The following SOS2 variants were observed in gnomAD, a reference collection of about 807,000 sequenced individuals.
SOS2 encodes son of sevenless homolog 2.
In SOS2, 65 loss-of-function variants were observed where a neutral mutation model predicts 148.2. That is an observed-to-expected ratio of 0.44 (90% CI 0.36 to 0.54). The LOEUF (loss-of-function observed/expected upper bound fraction) is 0.54, where lower values mean the gene tolerates loss of function less well. SOS2 is among the 20% of genes least tolerant of loss of function. SOS2 has a pLI of 0.00. For missense variants in SOS2, 1,341 were observed against 1,590.2 expected (o/e 0.84, Z 2.67); for synonymous variants, 539 against 537.1 (o/e 1.00, Z -0.05).
At position 50,174,348 on chromosome 14, in the gene SOS2, A is replaced by G. The variant is rs536957409; in HGVS notation, c.1068+106T>C. On this transcript the variant is annotated intron_variant, in intron 8 of 22. Coordinates refer to ENST00000216373, the MANE Select transcript of SOS2 (RefSeq NM_006939.4). Reference sequence around the variant, plus strand: ...CATATAAAAATTATTAAATACTTACATAAAATAAGAATTAAAAGACTGGTA... The same window carrying G: ...CATATAAAAATTATTAAATACTTACGTAAAATAAGAATTAAAAGACTGGTA... 10,821 of 457,420 alleles carry G rather than the reference A, an allele frequency of 0.024. 255 individuals are homozygous for G. Among genetic ancestry groups the G allele is most frequent in the Non-Finnish European group, 0.024 (6,247 of 258,958 alleles). The allele number at this position is 457,420 out of a possible 1,614,324, so 28.3% of individuals were successfully genotyped here. A position where few individuals can be genotyped will look rare whatever the true frequency, so the allele number is the denominator to read the frequency against.
chr14:50,205,477 T>C (rs1305841767), intron 1 of SOS2, among the ~76,000 whole-genome samples: 1 of 152,154 alleles, frequency 6.6e-6, no homozygotes, highest in Non-Finnish European at 1.5e-5. Flanking sequence ...AACACAGCAT[T>C]GAAGTTAACC....
rs186688422 is a variant in SOS2 at position 50,175,920 on chromosome 14, A to T, written c.970-1368T>A. Among the ~76,000 whole-genome samples the T allele has an allele frequency of 4.9e-4, 74 of 152,350 alleles. 1 individual carries two copies. Among genetic ancestry groups the T allele is most frequent in the Non-Finnish European group, 8.4e-4 (57 of 68,042 alleles). On this transcript the variant is annotated intron_variant, in intron 7 of 22. Transcript: ENST00000216373. ...TTATTATCCAGTAACCAAACTTCTTACTAGGATACACAAAAAGTGCCACCA... is the reference window on the plus strand; with the variant it reads ...TTATTATCCAGTAACCAAACTTCTTTCTAGGATACACAAAAAGTGCCACCA...
intron 4 of SOS2, among the ~76,000 whole-genome samples, chr14:50,198,296 G>A (rs1361315942): frequency 2.0e-5 from 3 of 151,114 alleles, no homozygotes; most frequent in African/African-American, 2.4e-5. Context: ...CAAGTGGCAA[G>A]GGCTTACTTT....
intron 8 of SOS2, among the ~76,000 whole-genome samples, chr14:50,173,037 T>C (rs1439472059): frequency 6.6e-6 from 1 of 152,194 alleles, no homozygotes; most frequent in Non-Finnish European, 1.5e-5. Context: ...GGTCTTGCTA[T>C]GTTGCTCAGG....
At position 50,216,114 on chromosome 14, in the gene SOS2, G is replaced by C. The variant is rs200387585; in HGVS notation, c.88-11705C>G. 7.6e-5 allele frequency among the ~76,000 whole-genome samples: 9 copies of C among 118,682 alleles called. No individual in the cohort carries two copies. In the East Asian group the frequency reaches 1.7e-3, roughly 22 times the overall value. 77.9% of individuals were successfully genotyped at this position (118,682 alleles called of 152,430 possible). On this transcript the variant is annotated intron_variant, in intron 1 of 22. Coordinates refer to ENST00000216373, the MANE Select transcript of SOS2 (RefSeq NM_006939.4). Reference sequence around the variant, plus strand: ...TGGGTTTTTTTTGTTTTTTTTTTTTGAGATGGAGTCTCGCTGTTTCACCCA... The same window carrying C: ...TGGGTTTTTTTTGTTTTTTTTTTTTCAGATGGAGTCTCGCTGTTTCACCCA...
intron 4 of SOS2, among the ~76,000 whole-genome samples, chr14:50,191,476 G>GA (rs1026654291): frequency 3.9e-5 from 6 of 152,070 alleles, no homozygotes; most frequent in Non-Finnish European, 7.4e-5. Context: ...CTCTAAATAA[G>GA]AAAAAACACA....
intron 1 of SOS2, among the ~76,000 whole-genome samples, chr14:50,223,612 T>C (rs1412662914): frequency 6.6e-6 from 1 of 150,986 alleles, no homozygotes. Flanking sequence ...GAGGTGGAGG[T>C]TGCAGTGAGC....
At position 50,158,621 on chromosome 14, in the gene SOS2, A is replaced by G; in HGVS notation, c.1878T>C (p.Leu626=). 1 of 1,609,382 alleles carries G rather than the reference A, an allele frequency of 6.2e-7. No individual in the cohort carries two copies. The highest frequency in any genetic ancestry group is 2.2e-5 in the East Asian group (1 of 44,686). ...YADPNFVRTF[L]TTYRSFCKPQ... ...GTTTACAAAATGAACGATATGTGGT[A>G]AGAAAAGTACGAACAAAATTGGGAT... is the stretch of plus-strand genomic sequence containing the variant. The change falls in exon 11 of 23, where the codon CTT becomes CTC. Residue 626 remains leucine, a synonymous_variant. Coordinates refer to ENST00000216373, the MANE Select transcript of SOS2 (RefSeq NM_006939.4).
chr14:50,209,321 G>GTGTGTGTGTGTGTGTGTC (rs1179515891), intron 1 of SOS2, among the ~76,000 whole-genome samples: 65 of 141,846 alleles, frequency 4.6e-4, no homozygotes, highest in Non-Finnish European at 7.3e-4. Context: ...GTGTGTGTGT[G>GTGTGTGTGTGTGTGTGTC]TCTCCTATTG....
At chr14:50,120,736 C>CTTTT (rs34012845) in intron 21 of SOS2, among the ~76,000 whole-genome samples, 50 of 107,468 alleles carry the variant, frequency 4.7e-4, no homozygotes, top group African/African-American at 6.2e-4. Context: ...AATCAGAGAC[C>CTTTT]TTTTTTTTTT....
Position 50,231,362 on chromosome 14 carries a change from C to T in SOS2, c.-79G>A. 3.7e-6 allele frequency: 2 copies of T among 539,872 alleles called. No homozygotes were observed. Among genetic ancestry groups the T allele is most frequent in the Non-Finnish European group, 4.9e-6 (2 of 409,690 alleles). The allele number at this position is 539,872 out of a possible 1,614,324, so 33.4% of individuals were successfully genotyped here. A position where few individuals can be genotyped will look rare whatever the true frequency, so the allele number is the denominator to read the frequency against. On this transcript the variant is annotated 5_prime_UTR_variant, in exon 1 of 23. Coordinates refer to ENST00000216373, the MANE Select transcript of SOS2 (RefSeq NM_006939.4). ...GCCTGACAGGCAGGGCGCGGGCCGC[C>T]TCGCCTCGCCGGCGGCCGCCGCCTC...
In SOS2 at chr14:50,161,509, T is replaced by C. The variant is rs768835893; in HGVS notation, c.1169A>G (p.Lys390Arg). 1.2e-6 allele frequency: 2 copies of C among 1,613,456 alleles called. No homozygotes were observed. The highest frequency in any genetic ancestry group is 1.7e-6 in the Non-Finnish European group (2 of 1,179,564). Residue 390 changes from lysine (K) to arginine (R), a missense_variant, in exon 9 of 23, where the codon AAG becomes AGG. By Grantham distance (26) the Lys-to-Arg change is conservative. Transcript: ENST00000216373. ...NLQGSMDRIYKQYSPRRRPGD... is the reference protein window; with the variant it reads ...NLQGSMDRIYRQYSPRRRPGD... ...AGGTCGACGTCTAGGTGAATACTGCTTGTAAATTCGGTCCATGCTACCTTG... is the reference window on the plus strand; with the variant it reads ...AGGTCGACGTCTAGGTGAATACTGCCTGTAAATTCGGTCCATGCTACCTTG...
intron 18 of SOS2, among the ~76,000 whole-genome samples, chr14:50,137,024 A>C (rs960951339): frequency 1.3e-5 from 2 of 152,196 alleles, no homozygotes. Context: ...ATTTTCACTC[A>C]ATATGCCCAA....
intron 2 of SOS2, among the ~76,000 whole-genome samples, chr14:50,201,411 A>G (rs1886482241): frequency 6.6e-6 from 1 of 151,572 alleles, no homozygotes; most frequent in African/African-American, 2.4e-5. Flanking sequence ...GTGCATGCCT[A>G]TAGTCCCAGC....
At chr14:50,181,175 G>A (rs113890776) in intron 6 of SOS2, among the ~76,000 whole-genome samples, 13 of 152,206 alleles carry the variant, frequency 8.5e-5, no homozygotes, top group African/African-American at 1.2e-4. Context: ...ATGACTGGGC[G>A]CGGTGGCTCA....
At chr14:50,171,471 G>A (rs1315591739) in intron 8 of SOS2, among the ~76,000 whole-genome samples, 3 of 151,984 alleles carry the variant, frequency 2.0e-5, no homozygotes, top group Admixed American at 1.3e-4. Flanking sequence ...AGATCATGAG[G>A]TCAAGAGATT....
intron 21 of SOS2, among the ~76,000 whole-genome samples, chr14:50,129,380 T>C (rs1398218099): frequency 6.6e-6 from 1 of 152,154 alleles, no homozygotes; most frequent in African/African-American, 2.4e-5. Flanking sequence ...TTTTGTTTGT[T>C]TGTTTTGTTG....
intron 13 of SOS2, 30 bp from the exon 14 acceptor site, chr14:50,150,260 CT>C (rs1421879437): frequency 7.2e-7 from 1 of 1,380,522 alleles, no homozygotes; most frequent in Non-Finnish European, 1.0e-6. Flanking sequence ...AGAAAAATGT[CT>C]TTTACTTGAC....
At chr14:50,216,954 T>C (rs938963238) in intron 1 of SOS2, among the ~76,000 whole-genome samples, 1 of 152,158 alleles carries the variant, frequency 6.6e-6, no homozygotes, top group African/African-American at 2.4e-5. Context: ...AATTGATATG[T>C]TGATTAAAAC....
Sources: allele counts gnomAD v4.1 joint callset (sites outside exome capture counted in the v4.1 genomes callset), GRCh38; gene constraint gnomAD v4.1.1; transcripts MANE v1.5; gene names NCBI Gene and HGNC (gene_info 2026-07-23, HGNC 2026-07-21).